Variants in PCSK5 observed in about 807,000 individuals in gnomAD.
PCSK5 encodes prohormone convertase 5.
In PCSK5, 129 loss-of-function variants were observed where a neutral mutation model predicts 233.2. That is an observed-to-expected ratio of 0.55 (90% CI 0.48 to 0.64). The LOEUF is 0.64. Among genes scored for constraint, PCSK5 ranks in the 30% least tolerant of loss-of-function variants. The pLI, the probability that PCSK5 is intolerant of heterozygous loss-of-function variation, is 0.00. For missense variants in PCSK5, 2,076 were observed against 2,430.1 expected, an observed-to-expected ratio of 0.85 and a Z score of 3.06; for synonymous variants, 825 against 879.2, an observed-to-expected ratio of 0.94 and a Z score of 1.09.
At chr9:76,001,438 C>T (rs1827256320) in intron 3 of PCSK5, among the ~76,000 whole-genome samples, 3 of 140,526 alleles carry the variant, frequency 2.1e-5, no homozygotes, top group African/African-American at 7.8e-5. Flanking sequence ...TTACATATTA[C>T]ATGATTTCAA....
chr9:75,916,044 A>G (rs1403940984), intron 1 of PCSK5, among the ~76,000 whole-genome samples: 1 of 152,222 alleles, frequency 6.6e-6, no homozygotes, highest in East Asian at 1.9e-4. Context: ...CTGCTGAGAT[A>G]AAGGTCAGTG....
At chr9:76,351,447 G>GAAAGGAAAGAAAGAAAGAAA (rs1491332963) in intron 36 of PCSK5, among the ~76,000 whole-genome samples, 9 of 27,470 alleles carry the variant, frequency 3.3e-4, no homozygotes, top group African/African-American at 8.7e-4. Flanking sequence ...GTGAAAGAAA[G>GAAAGGAAAGAAAGAAAGAAA]GAAAGAAAGA....
intron 12 of PCSK5, 91 bp downstream of exon 12, chr9:76,159,262 A>C: frequency 8.6e-7 from 1 of 1,162,586 alleles, no homozygotes; most frequent in South Asian, 1.5e-5. Flanking sequence ...GCTTTCACCT[A>C]ACCTGGGAAC....
intron 20 of PCSK5, among the ~76,000 whole-genome samples, chr9:76,222,921 A>G (rs1177110419): frequency 6.6e-6 from 1 of 152,226 alleles, no homozygotes; most frequent in Non-Finnish European, 1.5e-5. Flanking sequence ...TGGAAACTAC[A>G]TGTTGGCATC....
At chr9:76,036,275 G>C (rs1256165047) in intron 5 of PCSK5, among the ~76,000 whole-genome samples, 3 of 152,104 alleles carry the variant, frequency 2.0e-5, no homozygotes, top group African/African-American at 7.2e-5. Context: ...ACCAATGATA[G>C]GTATGCATTT....
chr9:75,907,019 A>G (rs1473600361), intron 1 of PCSK5, among the ~76,000 whole-genome samples: 1 of 152,160 alleles, frequency 6.6e-6, no homozygotes, highest in Non-Finnish European at 1.5e-5. Context: ...CTATGGCCAT[A>G]CTATGCTGAA....
Position 76,323,932 on chromosome 9 carries a change from A to ATTTTTTT in PCSK5, c.4339+654_4339+660dup, listed in dbSNP as rs60451634. On this transcript the variant is annotated intron_variant, in intron 32 of 37. Transcript: ENST00000674117. ...TGCCTCTTGTCTCCCTTCCTGGGTG[A>ATTTTTTT]TTTTTTTTTTTTTTTTGAGACAGAG... Among the ~76,000 whole-genome samples the ATTTTTTT allele has an allele frequency of 1.1e-3, 152 of 139,368 alleles. 19 individuals carry two copies. Among genetic ancestry groups the ATTTTTTT allele is most frequent in the Middle Eastern group, 3.8e-3 (1 of 260 alleles). The allele number at this position is 139,368 out of a possible 152,430, so 91.4% of individuals were successfully genotyped here. A position where few individuals can be genotyped will look rare whatever the true frequency, so the allele number is the denominator to read the frequency against.
intron 24 of PCSK5, among the ~76,000 whole-genome samples, chr9:76,272,803 T>G (rs1266268219): frequency 1.2e-5 from 1 of 84,512 alleles, no homozygotes; most frequent in African/African-American, 3.9e-5. Flanking sequence ...AAAAAAAAAA[T>G]TCACACTCCC....
chr9:76,188,759 C>T, intron 18 of PCSK5, 84 bp downstream of exon 18: 2 of 918,804 alleles, frequency 2.2e-6, no homozygotes, highest in Non-Finnish European at 3.5e-6. Flanking sequence ...ATGCAACCCA[C>T]TTGATACTTT....
chr9:76,111,504 G>A (rs190863410), intron 9 of PCSK5, among the ~76,000 whole-genome samples: 2 of 152,290 alleles, frequency 1.3e-5, no homozygotes, highest in East Asian at 3.9e-4. Context: ...TTAAAAGAGA[G>A]GGGAGAAACA....
At chr9:75,995,644 C>T (rs1826982931) in intron 3 of PCSK5, among the ~76,000 whole-genome samples, 1 of 151,840 alleles carries the variant, frequency 6.6e-6, no homozygotes, top group South Asian at 2.1e-4. Flanking sequence ...GGCTTCTAGT[C>T]ACAGAGGACT....
At chr9:76,137,031 C>CA (rs1281269106) in intron 10 of PCSK5, among the ~76,000 whole-genome samples, 5 of 152,250 alleles carry the variant, frequency 3.3e-5, no homozygotes, top group South Asian at 2.1e-4. Context: ...CCTAGGCAGA[C>CA]AGCAGGGCTG....
chr9:76,044,905 G>T (rs1258290986), intron 5 of PCSK5, among the ~76,000 whole-genome samples: 1 of 152,090 alleles, frequency 6.6e-6, no homozygotes, highest in Non-Finnish European at 1.5e-5. Context: ...GTAATAATTG[G>T]TCATTTAAAT....
At chr9:76,137,869 GTAT>G (rs529438086) in intron 10 of PCSK5, among the ~76,000 whole-genome samples, 9 of 141,572 alleles carry the variant, frequency 6.4e-5, no homozygotes, top group African/African-American at 1.5e-4. Context: ...GGTTTTGTTA[GTAT>G]TATTTCTTTC....
At chr9:76,127,148 A>G (rs921755854) in intron 9 of PCSK5, among the ~76,000 whole-genome samples, 2 of 152,182 alleles carry the variant, frequency 1.3e-5, no homozygotes, top group African/African-American at 2.4e-5. Flanking sequence ...ATTTAGAATC[A>G]TAATAATAAT....
intron 30 of PCSK5, among the ~76,000 whole-genome samples, chr9:76,320,050 C>A (rs1007555886): frequency 2.0e-5 from 3 of 152,134 alleles, no homozygotes; most frequent in Admixed American, 6.6e-5. Flanking sequence ...CGATAAATAT[C>A]GGCGTGCCCA....
At chr9:76,354,757 A>C (rs1830254411) in intron 37 of PCSK5, among the ~76,000 whole-genome samples, 1 of 152,228 alleles carries the variant, frequency 6.6e-6, no homozygotes, top group African/African-American at 2.4e-5. Context: ...AGCCTGGGTG[A>C]CAGAGCAAGA....
chr9:76,095,363 T>A (rs1831465304), intron 7 of PCSK5, among the ~76,000 whole-genome samples: 1 of 152,212 alleles, frequency 6.6e-6, no homozygotes, highest in Non-Finnish European at 1.5e-5. Context: ...TAGCACCCAA[T>A]TCATGGCAGA....
At position 76,302,217 on chromosome 9, in the gene PCSK5, G is replaced by A; in HGVS notation, c.3604G>A (p.Asp1202Asn). Residue 1202 changes from aspartate to asparagine, a missense_variant and splice_region_variant, in exon 28 of 38, where the codon GAT (aspartate) becomes AAT (asparagine). Around this residue, in one of 6 missense-constraint regions of PCSK5, gnomAD observed 1,510 missense variants for 1,538.1 expected, o/e 0.98. Transcript: ENST00000674117. ...AAGGTGGAAAGTTCAAATCAAAAGAGGTAACAGGGAAATAGGGAGGCAACA... is the reference window on the plus strand; with the variant it reads ...AAGGTGGAAAGTTCAAATCAAAAGAAGTAACAGGGAAATAGGGAGGCAACA... ...RRRWKVQIKR[D>N]ILRKLQPCHS... 1 of 1,322,898 alleles carries A rather than the reference G, an allele frequency of 7.6e-7. No homozygotes were observed. Among genetic ancestry groups the A allele is most frequent in the Non-Finnish European group, 1.0e-6 (1 of 991,798 alleles). 81.9% of individuals were successfully genotyped at this position (1,322,898 alleles called of 1,614,324 possible). A position where few individuals can be genotyped will look rare whatever the true frequency, so the allele number is the denominator to read the frequency against.
Sources: gnomAD v4.1 joint callset for allele counts (sites outside exome capture counted in the v4.1 genomes callset) on GRCh38, gnomAD v4.1.1 for gene constraint, gnomAD v4.1.1 regional missense constraint, MANE v1.5 for transcripts, NCBI Gene and HGNC (gene_info 2026-07-23, HGNC 2026-07-21) for gene names.